SLC35F3: variants seen among roughly 807,000 people sequenced by gnomAD.
SLC35F3 encodes the protein putative thiamine transporter SLC35F3.
In SLC35F3, 25 loss-of-function variants were observed where a neutral mutation model predicts 49.9. That is an observed-to-expected ratio of 0.50 (90% CI 0.37 to 0.70). SLC35F3 has a LOEUF of 0.70. Among genes scored for constraint, SLC35F3 ranks in the 30% least tolerant of loss-of-function variants. The pLI is 0.00. For synonymous variants in SLC35F3, 275 were observed against 265.4 expected (o/e 1.04, Z -0.35); for missense variants, 525 against 639.8 (o/e 0.82, Z 1.94).
intron 3 of SLC35F3, chr1:234,268,458 AGAGAGGGAGAGGGAGAGG>A (rs543420425): frequency 6.7e-6 from 1 of 149,908 alleles, no homozygotes; most frequent in Non-Finnish European, 1.5e-5. Flanking sequence ...GAGACCGTGG[AGAGAGGGAGAGGGAGAGG>A]GAGGGGGAGA....
At chr1:234,061,461 T>A (rs1664537911) in intron 2 of SLC35F3, among the ~76,000 whole-genome samples, 1 of 151,928 alleles carries the variant, frequency 6.6e-6, no homozygotes, top group Admixed American at 6.6e-5. Context: ...CTACTTGACG[T>A]TTGTTGAGTT....
At chr1:234,071,028 C>T (rs932597391) in intron 2 of SLC35F3, among the ~76,000 whole-genome samples, 4 of 152,288 alleles carry the variant, frequency 2.6e-5, no homozygotes, top group African/African-American at 7.2e-5. Flanking sequence ...CAGAGCCTCA[C>T]GACTCTATCA....
In SLC35F3 at chr1:234,316,649, C is replaced by A; in HGVS notation, c.876C>A (p.Tyr292Ter). The A allele has an allele frequency of 1.9e-6, 3 of 1,613,502 alleles. No homozygotes were observed. Among genetic ancestry groups the A allele is most frequent in the Non-Finnish European group, 2.5e-6 (3 of 1,179,410 alleles). The change falls in exon 5 of 8, where the codon TAC (tyrosine) becomes TAA (stop). Residue 292 changes from tyrosine (Y) to a stop codon, truncating the protein, a stop_gained. Coordinates refer to ENST00000366618, the MANE Select transcript of SLC35F3 (RefSeq NM_173508.4). LOFTEE classifies it high-confidence loss of function. Reference protein sequence around the residue: ...LAIAGIVMMTYADGFHSHSVI... With the variant: ...LAIAGIVMMT ...TCGCTGGCATTGTGATGATGACCTA[C>A]GCTGATGGCTTCCACAGCCACTCCG...
chr1:234,189,174 GA>G (rs890482487), intron 2 of SLC35F3, among the ~76,000 whole-genome samples: 1 of 150,838 alleles, frequency 6.6e-6, no homozygotes, highest in Admixed American at 6.6e-5. Context: ...AAAAGAAAAA[GA>G]AAAAAAACAC....
At chr1:233,912,275 C>T (rs1441901984) in intron 2 of SLC35F3, among the ~76,000 whole-genome samples, 2 of 152,018 alleles carry the variant, frequency 1.3e-5, no homozygotes, top group African/African-American at 2.4e-5. Context: ...GTCAGGAGTT[C>T]AATACCAGCC....
chr1:233,935,904 A>G (rs1662318911), intron 2 of SLC35F3, among the ~76,000 whole-genome samples: 1 of 152,232 alleles, frequency 6.6e-6, no homozygotes, highest in African/African-American at 2.4e-5. Context: ...AAGGTAAAGC[A>G]GACGGTGTGT....
intron 2 of SLC35F3, among the ~76,000 whole-genome samples, chr1:234,033,676 T>A (rs1664100201): frequency 6.6e-6 from 1 of 152,178 alleles, no homozygotes; most frequent in South Asian, 2.1e-4. Flanking sequence ...AGTATTTGGC[T>A]TTACTTCCAG....
rs183661600 is a variant in SLC35F3, at chr1:233,923,977, C to T, written c.283+18219C>T. On this transcript the variant is annotated intron_variant, in intron 2 of 7. Coordinates refer to ENST00000366618, the MANE Select transcript of SLC35F3 (RefSeq NM_173508.4). ...ATTTGTGTATGTTGAACAAGCCTTG[C>T]TTCCCAGGGATGAAGCCAACTCGAT... Among the ~76,000 whole-genome samples, 325 of 152,276 alleles carry T rather than the reference C, an allele frequency of 2.1e-3. 3 individuals are homozygous for T. Among genetic ancestry groups the T allele is most frequent in the African/African-American group, 7.1e-3 (295 of 41,552 alleles).
chr1:234,101,044 A>G (rs1204007200), intron 2 of SLC35F3, among the ~76,000 whole-genome samples: 1 of 151,902 alleles, frequency 6.6e-6, no homozygotes, highest in African/African-American at 2.4e-5. Flanking sequence ...TTCCTACCAG[A>G]TGGCCTCCTC....
At chr1:234,116,157 T>A (rs1016527574) in intron 2 of SLC35F3, among the ~76,000 whole-genome samples, 3 of 152,186 alleles carry the variant, frequency 2.0e-5, no homozygotes, top group Admixed American at 2.0e-4. Context: ...AAAGTCAATA[T>A]AAAGTAGCTA....
intron 2 of SLC35F3, among the ~76,000 whole-genome samples, chr1:234,120,984 T>C (rs953009752): frequency 6.6e-6 from 1 of 152,180 alleles, no homozygotes; most frequent in Non-Finnish European, 1.5e-5. Context: ...GATTCAAGCA[T>C]GGGATGCGAC....
intron 3 of SLC35F3, among the ~76,000 whole-genome samples, chr1:234,297,897 A>G (rs1012825334): frequency 1.3e-5 from 2 of 152,226 alleles, no homozygotes; most frequent in African/African-American, 4.8e-5. Flanking sequence ...TCTGTACAGT[A>G]GAGTGCCTAT....
At position 234,232,519 on chromosome 1, in the gene SLC35F3, CAAAAAAA is replaced by C. The variant is rs536692686; in HGVS notation, c.608+793_608+799del. Among the ~76,000 whole-genome samples, 521 of 72,370 alleles carry C rather than the reference CAAAAAAA, an allele frequency of 7.2e-3. 13 individuals carry two copies. The South Asian group carries it at 0.13, about 19-fold the overall frequency. The allele number at this position is 72,370 out of a possible 152,430, so 47.5% of individuals were successfully genotyped here. A position where few individuals can be genotyped will look rare whatever the true frequency, so the allele number is the denominator to read the frequency against. On this transcript the variant is annotated intron_variant, in intron 3 of 7. Transcript: ENST00000366618. ...ATGGGCGTCCCAAATCAGGCCTAGT[CAAAAAAA>C]AAAAAAAAAAAAAAGAAAAAGAAAA...
At chr1:233,978,275 A>T (rs1178495096) in intron 2 of SLC35F3, among the ~76,000 whole-genome samples, 2 of 152,214 alleles carry the variant, frequency 1.3e-5, no homozygotes, top group Non-Finnish European at 2.9e-5. Flanking sequence ...CTATCAATCT[A>T]CATTGTTCAT....
At chr1:234,272,518 C>T (rs948069564) in intron 3 of SLC35F3, 1 of 152,194 alleles carries the variant, frequency 6.6e-6, no homozygotes, top group African/African-American at 2.4e-5. Flanking sequence ...AGGGTACAGA[C>T]ATAGACCAAT....
chr1:234,201,109 C>T (rs886385797), intron 2 of SLC35F3, among the ~76,000 whole-genome samples: 2 of 152,208 alleles, frequency 1.3e-5, no homozygotes, highest in African/African-American at 4.8e-5. Flanking sequence ...AGAACAGTCA[C>T]CAAATGCAGG....
At chr1:234,275,468 TAA>T (rs1668189112) in intron 3 of SLC35F3, among the ~76,000 whole-genome samples, 1 of 152,186 alleles carries the variant, frequency 6.6e-6, no homozygotes, top group African/African-American at 2.4e-5. Flanking sequence ...CACCCCTAGT[TAA>T]GAGAACACAG....
intron 2 of SLC35F3, among the ~76,000 whole-genome samples, chr1:234,056,265 A>G (rs1255639690): frequency 6.6e-6 from 1 of 151,664 alleles, no homozygotes; most frequent in Non-Finnish European, 1.5e-5. Flanking sequence ...AAGATATAAT[A>G]TTAATTAATC....
rs548099118 is a variant in SLC35F3 at position 233,969,677 on chromosome 1, G to A, written c.283+63919G>A. On this transcript the variant is annotated intron_variant, in intron 2 of 7. Coordinates refer to ENST00000366618, the MANE Select transcript of SLC35F3 (RefSeq NM_173508.4). ...GGCCTAGTGTTGGAAGGCATGGCTC[G>A]TTCGAATGACTGCTAAGAAAGACCT... is the stretch of plus-strand genomic sequence containing the variant. Among the ~76,000 whole-genome samples, 11 of 152,320 alleles carry A rather than the reference G, an allele frequency of 7.2e-5. No individual in the cohort carries two copies. The South Asian group carries it at 1.0e-3, about 14-fold the overall frequency.
Sources: allele counts gnomAD v4.1 joint callset (sites outside exome capture counted in the v4.1 genomes callset), GRCh38; gene constraint gnomAD v4.1.1; transcripts MANE v1.5; gene names NCBI Gene and HGNC (gene_info 2026-07-23, HGNC 2026-07-21).